The following DLG2 variants were observed in gnomAD, a reference collection of about 807,000 sequenced individuals.
The protein encoded by DLG2 is disks large homolog 2.
DLG2 carries 45 observed loss-of-function variants against 132.5 expected under a neutral mutation model. The ratio of observed to expected loss-of-function variants is 0.34; its 90% confidence interval spans 0.27 to 0.44. The LOEUF (loss-of-function observed/expected upper bound fraction) is 0.44, where lower values mean the gene tolerates loss of function less well. Among genes scored for constraint, DLG2 ranks in the 20% least tolerant of loss-of-function variants. The pLI, the probability that DLG2 is intolerant of heterozygous loss-of-function variation, is 1.00. For missense variants in DLG2, 1,045 were observed against 1,196.9 expected, an observed-to-expected ratio of 0.87 and a Z score of 1.87; for synonymous variants, 424 against 419.6, an observed-to-expected ratio of 1.01 and a Z score of -0.13.
chr11:84,208,166 C>T (rs2096700354), intron 8 of DLG2, among the ~76,000 whole-genome samples: 1 of 151,946 alleles, frequency 6.6e-6, no homozygotes, highest in African/African-American at 2.4e-5. Context: ...ATATTTATGG[C>T]ACTATATCTT....
At chr11:85,145,214 C>A (rs1156595085) in intron 5 of DLG2, among the ~76,000 whole-genome samples, 1 of 151,940 alleles carries the variant, frequency 6.6e-6, no homozygotes, top group African/African-American at 2.4e-5. Flanking sequence ...TGCTCCCTTG[C>A]AATGTTGCTT....
intron 18 of DLG2, among the ~76,000 whole-genome samples, chr11:83,720,041 C>A (rs754354386): frequency 4.6e-5 from 7 of 151,704 alleles, no homozygotes; most frequent in African/African-American, 1.7e-4. Flanking sequence ...GCCTGTAATC[C>A]CAGCACTTTG....
At chr11:85,417,800 T>C (rs1161555813) in intron 3 of DLG2, among the ~76,000 whole-genome samples, 1 of 152,164 alleles carries the variant, frequency 6.6e-6, no homozygotes, top group Admixed American at 6.5e-5. Context: ...ATCACACTTA[T>C]TTTTTATTGT....
At chr11:84,276,449 TAACA>T (rs1412781919) in intron 7 of DLG2, among the ~76,000 whole-genome samples, 1 of 152,232 alleles carries the variant, frequency 6.6e-6, no homozygotes, top group Non-Finnish European at 1.5e-5. Context: ...TGACTCAGTT[TAACA>T]AACATTTATT....
chr11:85,021,472 CT>C (rs1172966317), intron 6 of DLG2: 1 of 1,433,744 alleles, frequency 7.0e-7, no homozygotes, highest in Non-Finnish European at 9.8e-7. Flanking sequence ...CCGGGCATTT[CT>C]CTCATTAACA....
chr11:84,141,093 C>T (rs1028411411), intron 9 of DLG2, among the ~76,000 whole-genome samples: 1 of 152,102 alleles, frequency 6.6e-6, no homozygotes, highest in African/African-American at 2.4e-5. Context: ...CTTCAATAAA[C>T]AATAGAGAGT....
chr11:85,079,722 C>A (rs766868352), intron 6 of DLG2, among the ~76,000 whole-genome samples: 2 of 152,040 alleles, frequency 1.3e-5, no homozygotes, highest in Admixed American at 6.6e-5. Context: ...GACAGGCATT[C>A]ATCAAACCTT....
chr11:85,372,767 T>C (rs939090016), intron 3 of DLG2, among the ~76,000 whole-genome samples: 1 of 152,230 alleles, frequency 6.6e-6, no homozygotes, highest in Non-Finnish European at 1.5e-5. Flanking sequence ...TGGCAGCACC[T>C]GCCAAGGTTG....
chr11:83,478,207 A>T (rs1293559122), intron 22 of DLG2, among the ~76,000 whole-genome samples: 1 of 152,054 alleles, frequency 6.6e-6, no homozygotes, highest in Non-Finnish European at 1.5e-5. Flanking sequence ...GGAATTCTTC[A>T]TATTTCCATT....
At position 83,462,846 on chromosome 11, in the gene DLG2, A is replaced by C. The variant is rs374079916; in HGVS notation, c.2730-753T>G. On this transcript the variant is annotated intron_variant, in intron 26 of 27. Transcript: ENST00000376104. Reference sequence around the variant, plus strand: ...TTTTTAAAAGGCTCAAGGATAAATCAAGGTGGGAGAGAAATGAAAAATTCT... The same window carrying C: ...TTTTTAAAAGGCTCAAGGATAAATCCAGGTGGGAGAGAAATGAAAAATTCT... 2.3e-4 allele frequency among the ~76,000 whole-genome samples: 35 copies of C among 152,346 alleles called. 1 individual carries two copies. In the East Asian group the frequency reaches 4.0e-3, roughly 18 times the overall value.
At chr11:84,911,433 T>G (rs1339281804) in intron 6 of DLG2, among the ~76,000 whole-genome samples, 1 of 151,812 alleles carries the variant, frequency 6.6e-6, no homozygotes, top group African/African-American at 2.4e-5. Flanking sequence ...TATTAAAATT[T>G]TAAAAGCATT....
At chr11:84,070,750 C>T (rs1188035712) in intron 10 of DLG2, among the ~76,000 whole-genome samples, 1 of 152,178 alleles carries the variant, frequency 6.6e-6, no homozygotes, top group Non-Finnish European at 1.5e-5. Flanking sequence ...CTGCCACTTT[C>T]CAGTTCAAGT....
chr11:83,839,269 A>G (rs2057003009), intron 16 of DLG2, among the ~76,000 whole-genome samples: 1 of 152,212 alleles, frequency 6.6e-6, no homozygotes, highest in Admixed American at 6.5e-5. Context: ...ACAGAATTTT[A>G]TATTATAGTT....
At chr11:83,877,530 G>A (rs543242836) in intron 15 of DLG2, among the ~76,000 whole-genome samples, 1 of 152,146 alleles carries the variant, frequency 6.6e-6, no homozygotes, top group East Asian at 1.9e-4. Context: ...TAATTATTTT[G>A]TTATTCTACT....
chr11:85,401,482 TGGCTA>T lies in DLG2; in HGVS notation c.41-116122_41-116118del, dbSNP rs530122927. ...CTATTCCACATAGTATTGGAAGTTC[TGGCTA>T]GGGCAATCAGGCAGAAGAAAGAAAT... On this transcript the variant is annotated intron_variant, in intron 3 of 27. Coordinates refer to ENST00000376104, the MANE Select transcript of DLG2 (RefSeq NM_001142699.3). 2.0e-3 allele frequency among the ~76,000 whole-genome samples: 312 copies of T among 152,318 alleles called. 1 individual carries two copies. Among genetic ancestry groups the T allele is most frequent in the Middle Eastern group, 0.01 (3 of 294 alleles).
chr11:84,699,897 T>C (rs556505431), intron 6 of DLG2, among the ~76,000 whole-genome samples: 1 of 151,692 alleles, frequency 6.6e-6, no homozygotes, highest in South Asian at 2.1e-4. Context: ...GACCTGAGTC[T>C]CAACAACTTT....
At chr11:83,700,329 C>G (rs1332872737) in intron 18 of DLG2, among the ~76,000 whole-genome samples, 1 of 152,070 alleles carries the variant, frequency 6.6e-6, no homozygotes. Context: ...GAGGTGGAGA[C>G]AAGTTGTAGG....
chr11:84,275,978 A>G (rs1307224774), intron 7 of DLG2, among the ~76,000 whole-genome samples: 2 of 152,190 alleles, frequency 1.3e-5, no homozygotes, highest in Non-Finnish European at 2.9e-5. Flanking sequence ...AGGGTGGGAA[A>G]GGCTTCATTG....
chr11:83,664,584 C>G (rs568178858), intron 18 of DLG2, among the ~76,000 whole-genome samples: 1 of 152,048 alleles, frequency 6.6e-6, no homozygotes, highest in Non-Finnish European at 1.5e-5. Context: ...TGAGGGAAAA[C>G]GAAACCACAC....
Sources: allele counts gnomAD v4.1 joint callset (sites outside exome capture counted in the v4.1 genomes callset), GRCh38; gene constraint gnomAD v4.1.1; transcripts MANE v1.5; gene names NCBI Gene and HGNC (gene_info 2026-07-23, HGNC 2026-07-21).